PUM2: variants seen among roughly 807,000 people sequenced by gnomAD.
The protein encoded by PUM2 is pumilio RNA binding family member 2.
PUM2 carries 57 observed loss-of-function variants against 124.5 expected under a neutral mutation model. That is an observed-to-expected ratio of 0.46 (90% CI 0.37 to 0.57). PUM2 has a LOEUF of 0.57. PUM2 is among the 20% of genes least tolerant of loss of function. The pLI is 0.00. For synonymous variants in PUM2, 460 were observed against 446.1 expected, an observed-to-expected ratio of 1.03 and a Z score of -0.39; for missense variants, 1,065 against 1,290.6, an observed-to-expected ratio of 0.83 and a Z score of 2.68.
rs541766862 is a variant in PUM2, at chr2:20,263,669, G to A, written c.1958-209C>T. 3.3e-5 allele frequency among the ~76,000 whole-genome samples: 5 copies of A among 152,106 alleles called. 1 individual carries two copies. In the South Asian group the frequency reaches 1.0e-3, roughly 32 times the overall value. ...ATGATAAAGAGACTAGAAAACATGA[G>A]AAAAATAAGTGTGTATTTATTCTTC... On this transcript the variant is annotated intron_variant, in intron 13 of 20. Coordinates refer to ENST00000361078, the MANE Select transcript of PUM2 (RefSeq NM_015317.5).
intron 7 of PUM2, among the ~76,000 whole-genome samples, chr2:20,298,530 G>A (rs1676193727): frequency 6.6e-6 from 1 of 152,130 alleles, no homozygotes; most frequent in Admixed American, 6.5e-5. Flanking sequence ...TTCAACCACA[G>A]CTACTGGAAA....
intron 2 of PUM2, among the ~76,000 whole-genome samples, 163 bp from the exon 3 acceptor site, chr2:20,318,808 C>G (rs112638214): frequency 6.6e-6 from 1 of 152,080 alleles, no homozygotes; most frequent in African/African-American, 2.4e-5. Context: ...TAAATTAACT[C>G]CCCATTTATT....
intron 13 of PUM2, among the ~76,000 whole-genome samples, chr2:20,265,337 TTAAC>T (rs1667403860): frequency 6.6e-6 from 1 of 152,172 alleles, no homozygotes; most frequent in Admixed American, 6.5e-5. Context: ...CCAGTTATAC[TTAAC>T]TATCTCAGCA....
chr2:20,273,321 A>G (rs1041857491), intron 13 of PUM2, among the ~76,000 whole-genome samples: 1 of 152,216 alleles, frequency 6.6e-6, no homozygotes, highest in African/African-American at 2.4e-5. Context: ...AACTGTTCAC[A>G]TCCTTGTGAA....
chr2:20,297,368 C>T (rs1211688570), intron 8 of PUM2, among the ~76,000 whole-genome samples, 185 bp downstream of exon 8: 1 of 152,176 alleles, frequency 6.6e-6, no homozygotes, highest in Non-Finnish European at 1.5e-5. Context: ...ATTGCTTAAG[C>T]TTTTCCCTGT....
intron 1 of PUM2, among the ~76,000 whole-genome samples, chr2:20,342,455 T>C (rs1687413841): frequency 6.6e-6 from 1 of 152,070 alleles, no homozygotes; most frequent in Non-Finnish European, 1.5e-5. Flanking sequence ...TAAAACTGTT[T>C]AACCTTAACC....
At chr2:20,348,680 G>A (rs752454229) in intron 1 of PUM2, among the ~76,000 whole-genome samples, 9 of 152,054 alleles carry the variant, frequency 5.9e-5, no homozygotes, top group Non-Finnish European at 1.2e-4. Flanking sequence ...CTGTAATCCC[G>A]GCACTCTGGG....
At chr2:20,267,450 A>G (rs1466189349) in intron 13 of PUM2, among the ~76,000 whole-genome samples, 1 of 152,236 alleles carries the variant, frequency 6.6e-6, no homozygotes, top group African/African-American at 2.4e-5. Flanking sequence ...GGTGAAGGGT[A>G]TAGTTTTGCA....
chr2:20,258,366 C>A lies in PUM2; in HGVS notation c.2361G>T (p.Gly787=). The A allele has an allele frequency of 6.2e-7, 1 of 1,611,306 alleles. No homozygotes were observed. The change falls in exon 16 of 21, where the codon GGG becomes GGT. Residue 787 remains glycine (G), a synonymous_variant. Transcript: ENST00000361078. The part of the protein sequence containing the change: ...NYVIQKFFEF[G]SLDQKLALAT... ...CCAGGGCTAATTTTTGATCCAGACT[C>A]CCAAACTGACAGAAAAGATATAACA...
chr2:20,341,740 A>G, intron 1 of PUM2, among the ~76,000 whole-genome samples: 1 of 152,248 alleles, frequency 6.6e-6, no homozygotes, highest in East Asian at 1.9e-4. Flanking sequence ...AGTCCAACAA[A>G]TGAAGACTTG....
At chr2:20,302,160 G>A (rs1297414138) in intron 7 of PUM2, among the ~76,000 whole-genome samples, 1 of 152,132 alleles carries the variant, frequency 6.6e-6, no homozygotes, top group Non-Finnish European at 1.5e-5. Flanking sequence ...TGATGTTCCC[G>A]CCTCAACCTC....
At chr2:20,297,384 T>C (rs1219642447) in intron 8 of PUM2, among the ~76,000 whole-genome samples, 169 bp downstream of exon 8, 1 of 152,224 alleles carries the variant, frequency 6.6e-6, no homozygotes, top group East Asian at 1.9e-4. Context: ...CCTGTAGCAT[T>C]ACAGTTGAAA....
At chr2:20,319,654 C>T (rs1396134701) in intron 2 of PUM2, among the ~76,000 whole-genome samples, 3 of 152,122 alleles carry the variant, frequency 2.0e-5, no homozygotes, top group African/African-American at 7.2e-5. Flanking sequence ...GTGTGTGTGA[C>T]ATAGTAAACC....
At chr2:20,279,826 T>A (rs1671090653) in intron 12 of PUM2, among the ~76,000 whole-genome samples, 1 of 152,148 alleles carries the variant, frequency 6.6e-6, no homozygotes, top group African/African-American at 2.4e-5. Context: ...GTCCAAACTC[T>A]CAGTTCTCAA....
intron 3 of PUM2, among the ~76,000 whole-genome samples, chr2:20,318,004 G>A (rs548573099): frequency 2.0e-5 from 3 of 152,156 alleles, no homozygotes; most frequent in East Asian, 1.9e-4. Context: ...AAACATACAC[G>A]TGTGTGTCTT....
At chr2:20,326,716 G>A (rs928757210) in intron 2 of PUM2, among the ~76,000 whole-genome samples, 1 of 152,162 alleles carries the variant, frequency 6.6e-6, no homozygotes, top group African/African-American at 2.4e-5. Flanking sequence ...GAAATGCGAA[G>A]TGCCTACTAT....
In PUM2 at chr2:20,254,967, A is replaced by G. The variant is rs2148418442; in HGVS notation, c.2766T>C (p.Tyr922=). 1.2e-6 allele frequency: 2 copies of G among 1,613,236 alleles called. No individual in the cohort carries two copies. The highest frequency in any genetic ancestry group is 2.2e-5 in the East Asian group (1 of 44,844). Residue 922 remains tyrosine, a synonymous_variant, in exon 19 of 21, where the codon TAT becomes TAC. Coordinates refer to ENST00000361078, the MANE Select transcript of PUM2 (RefSeq NM_015317.5). ...CGTGTTCCAGTACATGCTGAATAAC[A>G]TAATTGCCATACTGATCCTAAGACA... ...EQLVQDQYGN[Y]VIQHVLEHGR...
chr2:20,307,110 G>A (rs997652756), intron 7 of PUM2, among the ~76,000 whole-genome samples: 1 of 152,064 alleles, frequency 6.6e-6, no homozygotes, highest in Non-Finnish European at 1.5e-5. Flanking sequence ...CAGCTACTCA[G>A]AAGGCTGAGG....
At chr2:20,352,205 A>T (rs1213205693), upstream of PUM2, 1 of 152,216 alleles carries the variant, frequency 6.6e-6, no homozygotes, top group East Asian at 1.9e-4. Flanking sequence ...AATTCTGGAG[A>T]CAGTCTTCCT....
Sources: allele counts gnomAD v4.1 joint callset (sites outside exome capture counted in the v4.1 genomes callset), GRCh38; gene constraint gnomAD v4.1.1; transcripts MANE v1.5; gene names NCBI Gene and HGNC (gene_info 2026-07-23, HGNC 2026-07-21).